GRM5: variants seen among roughly 807,000 people sequenced by gnomAD.
The protein encoded by GRM5 is metabotropic glutamate receptor 5.
In GRM5, 19 loss-of-function variants were observed where a neutral mutation model predicts 83.1. The ratio of observed to expected loss-of-function variants is 0.23; its 90% CI spans 0.16 to 0.34. The LOEUF (loss-of-function observed/expected upper bound fraction) is 0.34, where lower values mean the gene tolerates loss of function less well. Among genes scored for constraint, GRM5 ranks in the 10% least tolerant of loss-of-function variants. The pLI is 1.00. For missense variants in GRM5, 1,160 were observed against 1,588.3 expected, an observed-to-expected ratio of 0.73 and a Z score of 4.58; for synonymous variants, 675 against 633.6, an observed-to-expected ratio of 1.07 and a Z score of -0.98.
intron 2 of GRM5, among the ~76,000 whole-genome samples, chr11:88,962,726 A>G (rs140209315): frequency 0.017 from 2,589 of 152,296 alleles, 74 homozygotes; most frequent in African/African-American, 0.06. Context: ...AGTCTGATTC[A>G]AATAATCTAG....
chr11:88,529,445 T>C (rs560738677), intron 8 of GRM5, among the ~76,000 whole-genome samples: 7 of 151,454 alleles, frequency 4.6e-5, no homozygotes, highest in Admixed American at 1.3e-4. Flanking sequence ...GGTGCAAACA[T>C]GTAGAGAGGT....
chr11:88,934,261 C>G (rs1263743741), intron 2 of GRM5, among the ~76,000 whole-genome samples: 11 of 151,740 alleles, frequency 7.2e-5, no homozygotes, highest in African/African-American at 2.4e-5. Flanking sequence ...TCACAATGAG[C>G]TCTAAGAATG....
intron 8 of GRM5, among the ~76,000 whole-genome samples, chr11:88,528,112 A>C (rs200180956): frequency 3.6e-5 from 1 of 27,730 alleles, no homozygotes; most frequent in East Asian, 1.5e-3. Context: ...AAACAAAACA[A>C]AAAACAAAAA....
intron 3 of GRM5, among the ~76,000 whole-genome samples, chr11:88,749,384 G>T (rs1431348689): frequency 1.3e-5 from 2 of 152,052 alleles, no homozygotes; most frequent in African/African-American, 2.4e-5. Flanking sequence ...AGACAGACAA[G>T]ATTAGATAAA....
At chr11:88,570,771 G>T (rs1942982203) in intron 7 of GRM5, among the ~76,000 whole-genome samples, 1 of 150,776 alleles carries the variant, frequency 6.6e-6, no homozygotes, top group African/African-American at 2.4e-5. Context: ...ATTTCACCAT[G>T]TTGGCCAGGC....
At chr11:88,677,612 C>G (rs1940366390) in intron 3 of GRM5, among the ~76,000 whole-genome samples, 1 of 152,060 alleles carries the variant, frequency 6.6e-6, no homozygotes, top group African/African-American at 2.4e-5. Flanking sequence ...TTAAGCCTGA[C>G]CACTTTGAAC....
intron 3 of GRM5, among the ~76,000 whole-genome samples, chr11:88,800,804 T>A (rs923952504): frequency 3.3e-5 from 5 of 152,138 alleles, no homozygotes; most frequent in African/African-American, 1.2e-4. Flanking sequence ...AAATCATACC[T>A]GCTAGGCTAC....
chr11:88,974,372 T>C (rs1939259806), intron 2 of GRM5, among the ~76,000 whole-genome samples: 3 of 102,162 alleles, frequency 2.9e-5, no homozygotes, highest in Admixed American at 1.8e-4. Flanking sequence ...TCCCTGGCAA[T>C]AGAGATAGAT....
intron 3 of GRM5, among the ~76,000 whole-genome samples, chr11:88,783,256 G>T (rs1229055295): frequency 6.6e-6 from 1 of 152,092 alleles, no homozygotes. Flanking sequence ...GTGTTCAAAT[G>T]ATTTATGAAT....
intron 3 of GRM5, among the ~76,000 whole-genome samples, chr11:88,660,500 C>T (rs1939877133): frequency 6.6e-6 from 1 of 152,132 alleles, no homozygotes; most frequent in African/African-American, 2.4e-5. Context: ...TGCTACCTGC[C>T]ATAGGCAAAC....
chr11:89,057,924 A>G (rs1442850347), intron 1 of GRM5, among the ~76,000 whole-genome samples: 1 of 152,174 alleles, frequency 6.6e-6, no homozygotes, highest in East Asian at 1.9e-4. Context: ...GGTAGGTATA[A>G]TTACTACCTA....
chr11:88,532,550 A>G (rs935276938), intron 8 of GRM5, among the ~76,000 whole-genome samples: 8 of 152,188 alleles, frequency 5.3e-5, no homozygotes, highest in African/African-American at 1.7e-4. Flanking sequence ...TTAAAGAAAA[A>G]TGACCATGTG....
chr11:88,670,562 C>T (rs114704883), intron 3 of GRM5, among the ~76,000 whole-genome samples: 1,419 of 118,446 alleles, frequency 0.012, 15 homozygotes, highest in African/African-American at 0.039. Flanking sequence ...AGTCTGAAAA[C>T]GACTCATATT....
At chr11:88,762,826 A>C (rs1283720342) in intron 3 of GRM5, among the ~76,000 whole-genome samples, 1 of 152,024 alleles carries the variant, frequency 6.6e-6, no homozygotes, top group Non-Finnish European at 1.5e-5. Flanking sequence ...TGCACCATGG[A>C]GTACTATGCA....
At chr11:88,815,112 A>G (rs1430068871) in intron 3 of GRM5, among the ~76,000 whole-genome samples, 2 of 152,186 alleles carry the variant, frequency 1.3e-5, no homozygotes, top group African/African-American at 2.4e-5. Context: ...CCACCAAACA[A>G]TGGCAGCATA....
intron 2 of GRM5, among the ~76,000 whole-genome samples, chr11:88,997,605 C>T (rs1940231091): frequency 6.6e-6 from 1 of 151,750 alleles, no homozygotes; most frequent in African/African-American, 2.4e-5. Context: ...ACCATCATGA[C>T]TGAAATGTGC....
intron 3 of GRM5, among the ~76,000 whole-genome samples, chr11:88,680,658 C>G (rs1940456120): frequency 6.6e-6 from 1 of 152,186 alleles, no homozygotes; most frequent in East Asian, 1.9e-4. Flanking sequence ...ATAAATCATG[C>G]TGCTATAAAG....
At chr11:88,878,510 A>G (rs1256887404) in intron 2 of GRM5, among the ~76,000 whole-genome samples, 1 of 152,164 alleles carries the variant, frequency 6.6e-6, no homozygotes, top group Non-Finnish European at 1.5e-5. Flanking sequence ...GCCAAGGGAT[A>G]CACTTGCTTA....
intron 3 of GRM5, among the ~76,000 whole-genome samples, chr11:88,744,095 T>A (rs770542698): frequency 6.6e-6 from 1 of 152,190 alleles, no homozygotes; most frequent in Admixed American, 6.6e-5. Flanking sequence ...AGATTAATCA[T>A]ATACCTCCCA....
Sources: gnomAD v4.1 joint callset for allele counts (sites outside exome capture counted in the v4.1 genomes callset) on GRCh38, gnomAD v4.1.1 for gene constraint, MANE v1.5 for transcripts, NCBI Gene and HGNC (gene_info 2026-07-23, HGNC 2026-07-21) for gene names.